The following C12orf42 variants were observed in gnomAD, a reference collection of about 807,000 sequenced individuals.
C12orf42 encodes uncharacterized protein C12orf42.
In C12orf42, 25 loss-of-function variants were observed where a neutral mutation model predicts 21.6. The observed-to-expected ratio is 1.16, with a 90% CI of 0.84 to 1.62. The LOEUF (loss-of-function observed/expected upper bound fraction) is 1.62. Ranked by LOEUF, C12orf42 falls within the 40% of genes most tolerant of loss-of-function variation. The pLI is 0.00. For synonymous variants in C12orf42, 174 were observed against 175.0 expected (o/e 0.99, Z 0.05); for missense variants, 483 against 459.3 (o/e 1.05, Z -0.47).
chr12:103,149,561 G>A, the C12orf42 span, among the ~76,000 whole-genome samples: 1 of 145,476 alleles, frequency 6.9e-6, no homozygotes. Flanking sequence ...GGTGGGAGGT[G>A]ATTGGATTAT....
intron 1 of C12orf42, among the ~76,000 whole-genome samples, chr12:103,480,459 T>C (rs2138051272): frequency 6.6e-6 from 1 of 151,506 alleles, no homozygotes; most frequent in Middle Eastern, 3.5e-3. Flanking sequence ...TGGGGGGTGT[T>C]TGTTTTAAAT....
chr12:103,515,056 T>C, the C12orf42 span, among the ~76,000 whole-genome samples: 1 of 152,182 alleles, frequency 6.6e-6, no homozygotes, highest in Non-Finnish European at 1.5e-5. Flanking sequence ...AAACATCCTG[T>C]AATGTACAAG....
In C12orf42 at chr12:103,259,642, G is replaced by A. The variant is rs770424890; in HGVS notation, c.*1366+3684C>T. Among the ~76,000 whole-genome samples, 9 of 152,244 alleles carry A rather than the reference G, an allele frequency of 5.9e-5. No homozygotes were observed. In the South Asian group the frequency reaches 6.2e-4, roughly 11 times the overall value. ...TATATAGGTTTTTGTTTAACTATTCGTAAGACAGTGTGAGAAAACCTTGGC... is the reference window on the plus strand; with the variant it reads ...TATATAGGTTTTTGTTTAACTATTCATAAGACAGTGTGAGAAAACCTTGGC... On this transcript the variant is annotated intron_variant and NMD_transcript_variant, in intron 10 of 10. Coordinates refer to the C12orf42 transcript ENST00000547347.
At chr12:103,562,836 A>G in the C12orf42 span, among the ~76,000 whole-genome samples, 1 of 152,156 alleles carries the variant, frequency 6.6e-6, no homozygotes, top group African/African-American at 2.4e-5. Flanking sequence ...TATGGACATC[A>G]TCAGTCCCAC....
the C12orf42 span, among the ~76,000 whole-genome samples, chr12:103,132,966 C>T: frequency 6.6e-6 from 1 of 152,166 alleles, no homozygotes; most frequent in Non-Finnish European, 1.5e-5. Flanking sequence ...CCTTCCCCTG[C>T]CTACCATAGT....
the C12orf42 span, among the ~76,000 whole-genome samples, chr12:103,210,109 T>C: frequency 1.3e-5 from 2 of 152,262 alleles, no homozygotes; most frequent in South Asian, 4.1e-4. Flanking sequence ...TCTATTGTGT[T>C]TCTAAAGTGA....
chr12:103,562,985 A>G, the C12orf42 span, among the ~76,000 whole-genome samples: 9 of 152,346 alleles, frequency 5.9e-5, no homozygotes, highest in Admixed American at 4.6e-4. Context: ...AAATATGTCA[A>G]TGCAGTGAGA....
chr12:103,248,654 G>T (rs2034131152), intron 10 of C12orf42, among the ~76,000 whole-genome samples: 1 of 152,064 alleles, frequency 6.6e-6, no homozygotes, highest in African/African-American at 2.4e-5. Flanking sequence ...TTAAGGAAGT[G>T]AATTTGTAGT....
chr12:103,200,547 G>A, the C12orf42 span, among the ~76,000 whole-genome samples: 1 of 152,154 alleles, frequency 6.6e-6, no homozygotes, highest in African/African-American at 2.4e-5. Flanking sequence ...TAGTTTAATG[G>A]CATAGATTGA....
chr12:103,463,315 T>C (rs1952868581), intron 2 of C12orf42, among the ~76,000 whole-genome samples: 1 of 152,230 alleles, frequency 6.6e-6, no homozygotes, highest in South Asian at 2.1e-4. Flanking sequence ...TGACACATCA[T>C]GAGGTTAATT....
the C12orf42 span, among the ~76,000 whole-genome samples, chr12:103,544,496 C>A: frequency 6.6e-6 from 1 of 152,114 alleles, no homozygotes; most frequent in Non-Finnish European, 1.5e-5. Flanking sequence ...ATTTCTTTTC[C>A]TTCACCCTGA....
At chr12:103,425,546 G>A (rs578250495) in intron 2 of C12orf42, among the ~76,000 whole-genome samples, 11 of 152,290 alleles carry the variant, frequency 7.2e-5, no homozygotes, top group Non-Finnish European at 5.9e-5. Flanking sequence ...AGGCAAACAG[G>A]GTCTGGAGTG....
At chr12:103,148,380 C>T in the C12orf42 span, among the ~76,000 whole-genome samples, 1 of 152,166 alleles carries the variant, frequency 6.6e-6, no homozygotes, top group African/African-American at 2.4e-5. Flanking sequence ...AAGCCACCCC[C>T]ATAGTTCTAA....
At chr12:103,138,320 CG>C in the C12orf42 span, among the ~76,000 whole-genome samples, 3 of 152,118 alleles carry the variant, frequency 2.0e-5, no homozygotes, top group Admixed American at 2.0e-4. Flanking sequence ...ATCATGAGGG[CG>C]GATTTCCTCC....
the C12orf42 span, among the ~76,000 whole-genome samples, chr12:103,174,715 A>G: frequency 2.7e-4 from 41 of 152,288 alleles, no homozygotes; most frequent in African/African-American, 9.4e-4. Flanking sequence ...TCATTTTTCT[A>G]TCTCAAAACT....
At chr12:103,308,654 G>T (rs1231205208) in intron 4 of C12orf42, among the ~76,000 whole-genome samples, 1 of 152,200 alleles carries the variant, frequency 6.6e-6, no homozygotes, top group African/African-American at 2.4e-5. Flanking sequence ...AGGGCAATTT[G>T]CAGGAAGGCA....
chr12:103,265,075 G>A (rs528657064), downstream of C12orf42, among the ~76,000 whole-genome samples: 2 of 152,252 alleles, frequency 1.3e-5, no homozygotes, highest in South Asian at 4.1e-4. Context: ...CTAGGTTGCA[G>A]ACTGCCAACT....
the C12orf42 span, among the ~76,000 whole-genome samples, chr12:103,067,236 T>G: frequency 6.6e-6 from 1 of 152,224 alleles, no homozygotes; most frequent in South Asian, 2.1e-4. Flanking sequence ...CCAATGCTTC[T>G]GCGAAGACTA....
downstream of C12orf42, among the ~76,000 whole-genome samples, chr12:103,299,495 T>C (rs917380671): frequency 4.6e-5 from 7 of 152,180 alleles, no homozygotes; most frequent in Non-Finnish European, 1.0e-4. Context: ...TTCATAAAAA[T>C]ATTTTTCCAT....
Sources: gnomAD v4.1 joint callset for allele counts (sites outside exome capture counted in the v4.1 genomes callset) on GRCh38, gnomAD v4.1.1 for gene constraint, MANE v1.5 for transcripts, NCBI Gene and HGNC (gene_info 2026-07-23, HGNC 2026-07-21) for gene names.